Variants in CTNNA2 observed in about 807,000 individuals in gnomAD.
CTNNA2 encodes the protein catenin alpha-2.
A neutral mutation model predicts 101.0 loss-of-function variants in CTNNA2; 42 were observed. The ratio of observed to expected loss-of-function variants is 0.42; its 90% CI spans 0.32 to 0.54. CTNNA2 has a LOEUF of 0.54. Ranked by LOEUF, CTNNA2 falls within the 20% of genes least tolerant of loss-of-function variation. The pLI is 0.14. For synonymous variants in CTNNA2, 450 were observed against 456.4 expected (o/e 0.99, Z 0.18); for missense variants, 871 against 1,223.1 (o/e 0.71, Z 4.29).
intron 7 of CTNNA2, among the ~76,000 whole-genome samples, chr2:79,995,794 G>T (rs1692499028): frequency 6.6e-6 from 1 of 152,116 alleles, no homozygotes; most frequent in Non-Finnish European, 1.5e-5. Context: ...TCCAGCCTGG[G>T]CAACCGAGTG....
At chr2:80,129,097 G>A (rs757462335) in intron 7 of CTNNA2, among the ~76,000 whole-genome samples, 7 of 152,144 alleles carry the variant, frequency 4.6e-5, no homozygotes, top group Non-Finnish European at 1.0e-4. Context: ...AGAGATCTTG[G>A]GAAACACACC....
intron 3 of CTNNA2, among the ~76,000 whole-genome samples, chr2:79,816,191 C>T (rs1025883751): frequency 1.2e-4 from 19 of 152,044 alleles, no homozygotes; most frequent in Non-Finnish European, 2.4e-4. Flanking sequence ...ACAATCATAT[C>T]GTCAGCAATG....
intron 2 of CTNNA2, among the ~76,000 whole-genome samples, chr2:79,733,978 C>G (rs1462906034): frequency 5.3e-5 from 8 of 152,086 alleles, no homozygotes; most frequent in Admixed American, 5.2e-4. Context: ...ATTGTGCTTT[C>G]AGATTTGTTT....
chr2:79,527,474 CAAAAAAAAAAA>C (rs58822666), intron 1 of CTNNA2, among the ~76,000 whole-genome samples: 1 of 85,234 alleles, frequency 1.2e-5, no homozygotes, highest in Non-Finnish European at 2.5e-5. Context: ...ACTAAAAATA[CAAAAAAAAAAA>C]AAAAAAAAAA....
chr2:79,415,077 C>T (rs1318429261), intron 4 of CTNNA2, among the ~76,000 whole-genome samples: 1 of 152,150 alleles, frequency 6.6e-6, no homozygotes. Context: ...CTCCAAACCT[C>T]AGGTTGAAAA....
chr2:79,785,070 C>T (rs554743560), intron 3 of CTNNA2, among the ~76,000 whole-genome samples: 9 of 152,082 alleles, frequency 5.9e-5, no homozygotes, highest in Non-Finnish European at 8.8e-5. Flanking sequence ...CAAACAACGC[C>T]ATCTCTTAAC....
At chr2:80,625,232 G>A (rs1210609999) in intron 18 of CTNNA2, among the ~76,000 whole-genome samples, 1 of 151,928 alleles carries the variant, frequency 6.6e-6, no homozygotes, top group African/African-American at 2.4e-5. Context: ...TATTAGAATA[G>A]CAATAGCTAC....
intron 12 of CTNNA2, among the ~76,000 whole-genome samples, chr2:80,571,787 T>C (rs1013298348): frequency 6.6e-6 from 1 of 152,138 alleles, no homozygotes; most frequent in African/African-American, 2.4e-5. Context: ...CATATCAAAG[T>C]GGTTCCTGAG....
rs1231284042 is a variant in CTNNA2, at chr2:80,302,941, G to T, written c.1057-90270G>T. The T allele has an allele frequency of 6.2e-7, 1 of 1,614,022 alleles. No homozygotes were observed. The highest frequency in any genetic ancestry group is 2.2e-5 in the East Asian group (1 of 44,850). ...AGTTGAGGATCCGGGGCTCGATGTAGGTGAGGCGGTTGGAGTCCAGCTGCA... is the reference window on the plus strand; with the variant it reads ...AGTTGAGGATCCGGGGCTCGATGTATGTGAGGCGGTTGGAGTCCAGCTGCA... On this transcript the variant is annotated intron_variant, in intron 7 of 18. Coordinates refer to ENST00000402739, the MANE Select transcript of CTNNA2 (RefSeq NM_001282597.3). The surrounding 1 kb of genome is among the most constrained non-coding windows in gnomAD (Gnocchi z 6.4).
intron 7 of CTNNA2, among the ~76,000 whole-genome samples, chr2:80,220,946 A>G (rs1708537297): frequency 2.0e-5 from 3 of 152,122 alleles, no homozygotes; most frequent in Admixed American, 1.3e-4. Context: ...CAGTGGCACA[A>G]TCTCGGCTCA....
At chr2:80,609,927 G>A (rs1414710210) in intron 17 of CTNNA2, among the ~76,000 whole-genome samples, 1 of 151,608 alleles carries the variant, frequency 6.6e-6, no homozygotes, top group Non-Finnish European at 1.5e-5. Flanking sequence ...TTTAGATGTA[G>A]TCCAAACCAT....
chr2:80,554,983 A>G (rs540447117), intron 11 of CTNNA2, among the ~76,000 whole-genome samples: 1 of 152,220 alleles, frequency 6.6e-6, no homozygotes, highest in East Asian at 1.9e-4. Flanking sequence ...TGCCTGCTTG[A>G]TTTCTACTTT....
At chr2:80,587,234 A>C (rs1696052864) in intron 14 of CTNNA2, among the ~76,000 whole-genome samples, 1 of 152,134 alleles carries the variant, frequency 6.6e-6, no homozygotes, top group Non-Finnish European at 1.5e-5. Context: ...GTTATTTGAC[A>C]TACATAAGCC....
intron 2 of CTNNA2, among the ~76,000 whole-genome samples, chr2:79,287,537 G>C (rs1290672937): frequency 8.9e-6 from 1 of 112,436 alleles, no homozygotes; most frequent in Non-Finnish European, 1.9e-5. Context: ...GTCTGCCCCT[G>C]CTGGGGGGTG....
intron 9 of CTNNA2, among the ~76,000 whole-genome samples, chr2:80,532,969 C>T (rs1440341448): frequency 9.9e-5 from 15 of 152,058 alleles, no homozygotes; most frequent in East Asian, 1.9e-4. Context: ...CTTGGAACTA[C>T]GTTTATAGCT....
chr2:79,440,907 C>A (rs1276661493), intron 4 of CTNNA2, among the ~76,000 whole-genome samples: 3 of 152,146 alleles, frequency 2.0e-5, no homozygotes, highest in Non-Finnish European at 4.4e-5. Context: ...TTGATGCTCT[C>A]CACAGGGCAC....
intron 1 of CTNNA2, among the ~76,000 whole-genome samples, chr2:79,578,044 C>A (rs1430827925): frequency 6.6e-6 from 1 of 152,086 alleles, no homozygotes; most frequent in Non-Finnish European, 1.5e-5. Flanking sequence ...GCAAAAATTA[C>A]CGATTCTTAT....
At chr2:79,799,517 C>A (rs769321201) in intron 3 of CTNNA2, among the ~76,000 whole-genome samples, 3 of 152,086 alleles carry the variant, frequency 2.0e-5, no homozygotes, top group Non-Finnish European at 4.4e-5. Flanking sequence ...TCTTCTTGTA[C>A]GACAATCAAA....
intron 2 of CTNNA2, among the ~76,000 whole-genome samples, chr2:79,221,932 C>T (rs1203586493): frequency 1.3e-5 from 2 of 152,062 alleles, no homozygotes; most frequent in Non-Finnish European, 2.9e-5. Context: ...AGGGTATAGG[C>T]TGTGTGGCTA....
Sources: gnomAD v4.1 joint callset for allele counts (sites outside exome capture counted in the v4.1 genomes callset) on GRCh38, gnomAD v4.1.1 for gene constraint, Gnocchi (gnomAD v3.1) non-coding constraint, MANE v1.5 for transcripts, NCBI Gene and HGNC (gene_info 2026-07-23, HGNC 2026-07-21) for gene names.